TRPV5: variants seen among roughly 807,000 people sequenced by gnomAD.
The protein encoded by TRPV5 is calcium transport protein 2.
A neutral mutation model predicts 74.1 loss-of-function variants in TRPV5; 66 were observed. The ratio of observed to expected loss-of-function variants is 0.89; its 90% confidence interval spans 0.73 to 1.09. The LOEUF is 1.09. Among genes scored for constraint, TRPV5 ranks in the 50% least tolerant of loss-of-function variants. TRPV5 has a pLI of 0.00. For synonymous variants in TRPV5, 399 were observed against 360.7 expected (o/e 1.11, Z -1.20); for missense variants, 936 against 930.4 (o/e 1.01, Z -0.08).
chr7:142,910,063 A>C (rs1026667931), intron 13 of TRPV5, among the ~76,000 whole-genome samples: 6 of 152,192 alleles, frequency 3.9e-5, no homozygotes, highest in Non-Finnish European at 8.8e-5. Context: ...TGGCAGGGAA[A>C]TTTCTGGTAG....
intron 8 of TRPV5, 73 bp from the exon 9 acceptor site, chr7:142,915,641 C>G: frequency 6.9e-7 from 1 of 1,452,908 alleles, no homozygotes; most frequent in South Asian, 1.2e-5. Context: ...TGATCGAAAG[C>G]TGCTAAAGCC....
chr7:142,909,450 A>C (rs1055960856), intron 14 of TRPV5, 40 bp downstream of exon 14: 1 of 1,607,332 alleles, frequency 6.2e-7, no homozygotes, highest in Non-Finnish European at 8.5e-7. Context: ...CCGTGGCCTT[A>C]TACACATCTG....
At chr7:142,929,763 T>C (rs769028147) in intron 3 of TRPV5, among the ~76,000 whole-genome samples, 198 bp from the exon 4 acceptor site, 1 of 152,158 alleles carries the variant, frequency 6.6e-6, no homozygotes, top group African/African-American at 2.4e-5. Context: ...CTTCAGTTAT[T>C]GGGAGCCAGC....
chr7:142,929,208 T>G, intron 4 of TRPV5, 88 bp from the exon 5 acceptor site: 1 of 1,529,032 alleles, frequency 6.5e-7, no homozygotes, highest in Non-Finnish European at 8.9e-7. Flanking sequence ...CTCCTCCTCA[T>G]CCCCCATATC....
In TRPV5 at chr7:142,908,700, G is replaced by A. The variant is rs1237582238; in HGVS notation, c.2004C>T (p.Pro668=). 22 of 1,614,112 alleles carry A rather than the reference G, an allele frequency of 1.4e-5. No individual in the cohort carries two copies. Among genetic ancestry groups the A allele is most frequent in the Non-Finnish European group, 1.9e-5 (22 of 1,180,046 alleles). Residue 668 remains proline, a synonymous_variant, in exon 15 of 15, where the codon CCC becomes CCT. Transcript: ENST00000265310. ...DDQEHPSEKQ[P]SGAESGTLAR... ...CTAGAGTCCCACTCTCAGCCCCAGAGGGCTGTTTCTCAGATGGATGCTCCT... is the reference window on the plus strand; with the variant it reads ...CTAGAGTCCCACTCTCAGCCCCAGAAGGCTGTTTCTCAGATGGATGCTCCT...
chr7:142,918,576 T>C (rs1259273861), intron 8 of TRPV5, among the ~76,000 whole-genome samples: 3 of 152,344 alleles, frequency 2.0e-5, no homozygotes, highest in East Asian at 3.9e-4. Flanking sequence ...AGAATAGAAA[T>C]GCAGGAGAGG....
chr7:142,930,006 C>T (rs1796057672), intron 3 of TRPV5, 52 bp downstream of exon 3: 3 of 1,612,960 alleles, frequency 1.9e-6, no homozygotes, highest in African/African-American at 2.7e-5. Context: ...GAGACAACAG[C>T]ACACCCTCCA....
intron 12 of TRPV5, 87 bp from the exon 13 acceptor site, chr7:142,912,837 G>T (rs1460325138): frequency 8.2e-6 from 6 of 734,758 alleles, no homozygotes; most frequent in African/African-American, 1.8e-5. Flanking sequence ...TTCTATCTCT[G>T]ATCTATCTAT....
At chr7:142,931,469 T>C (rs1404795456) in intron 1 of TRPV5, among the ~76,000 whole-genome samples, 1 of 152,146 alleles carries the variant, frequency 6.6e-6, no homozygotes, top group Admixed American at 6.5e-5. Context: ...AGATACTCAT[T>C]CTACAGGACC....
At chr7:142,925,181 C>T (rs1054173351) in intron 8 of TRPV5, 1 of 488,726 alleles carries the variant, frequency 2.0e-6, no homozygotes, top group East Asian at 3.3e-5. Context: ...ACTTGGAGCA[C>T]AATTTTCCTC....
rs1449388145 is a variant in TRPV5 at position 142,925,668 on chromosome 7, T to C, written c.983A>G (p.Tyr328Cys). ...GTACAAGGCAGCCAGGATGCAGAAG[T>C]ACGGCCGGCCATACTTGTTCCACTT... is the stretch of plus-strand genomic sequence containing the variant. ...SFKWNKYGRP[Y>C]FCILAALYLL... Residue 328 changes from tyrosine to cysteine, a missense_variant, in exon 8 of 15, where the codon TAC (tyrosine) becomes TGC (cysteine). Transcript: ENST00000265310. 1 of 1,614,042 alleles carries C rather than the reference T, an allele frequency of 6.2e-7. No individual in the cohort carries two copies. The highest frequency in any genetic ancestry group is 8.5e-7 in the Non-Finnish European group (1 of 1,180,044).
intron 12 of TRPV5, among the ~76,000 whole-genome samples, chr7:142,913,808 A>G (rs1378325241): frequency 1.3e-5 from 2 of 152,190 alleles, no homozygotes; most frequent in Non-Finnish European, 2.9e-5. Context: ...GGATCCTTCT[A>G]GTGCCTCTTC....
chr7:142,913,442 G>T lies in TRPV5; in HGVS notation c.1520-692C>A, dbSNP rs1279702681. On this transcript the variant is annotated intron_variant, in intron 12 of 14. Coordinates refer to ENST00000265310, the MANE Select transcript of TRPV5 (RefSeq NM_019841.7). ...GCCTCCTTATTTATTTAAGAGAAAA[G>T]CAAGTGCAATGGCCAAGAAGTGAAC... 2.0e-5 allele frequency among the ~76,000 whole-genome samples: 3 copies of T among 152,214 alleles called. 1 individual carries two copies. In the Middle Eastern group the frequency reaches 9.5e-3, roughly 482 times the overall value.
At position 142,915,300 on chromosome 7, in the gene TRPV5, T is replaced by A. The variant is rs749102276; in HGVS notation, c.1286+7A>T. On this transcript the variant is annotated splice_region_variant and intron_variant, in intron 10 of 14. Transcript: ENST00000265310. ...AAGGCAGGGGGCTGGAATGAGGGGA[T>A]ACTCACATGATGACATGGAATGGCC... is the stretch of plus-strand genomic sequence containing the variant. 1.9e-6 allele frequency: 3 copies of A among 1,610,048 alleles called. No individual in the cohort carries two copies. In the South Asian group the frequency reaches 3.3e-5, roughly 18 times the overall value.
rs1026090530 is a variant in TRPV5 at position 142,908,695 on chromosome 7, C to A, written c.2009G>T (p.Gly670Val). 1 of 1,614,064 alleles carries A rather than the reference C, an allele frequency of 6.2e-7. No homozygotes were observed. The highest frequency in any genetic ancestry group is 8.5e-7 in the Non-Finnish European group (1 of 1,180,044). Residue 670 changes from glycine to valine, a missense_variant, in exon 15 of 15, where the codon GGG (glycine) becomes GTG (valine). Gly to Val is a moderately radical substitution (Grantham distance 109). Coordinates refer to ENST00000265310, the MANE Select transcript of TRPV5 (RefSeq NM_019841.7). ...TCTGGCTAGAGTCCCACTCTCAGCC[C>A]CAGAGGGCTGTTTCTCAGATGGATG... Reference protein sequence around the residue: ...QEHPSEKQPSGAESGTLARAS... With the variant: ...QEHPSEKQPSVAESGTLARAS...
chr7:142,932,318 C>T (rs970442578), intron 1 of TRPV5, among the ~76,000 whole-genome samples: 1 of 152,168 alleles, frequency 6.6e-6, no homozygotes, highest in Non-Finnish European at 1.5e-5. Flanking sequence ...AGGGGTCCCA[C>T]TCTAAAGCAG....
chr7:142,909,741 C>T, intron 13 of TRPV5, 145 bp from the exon 14 acceptor site: 1 of 788,116 alleles, frequency 1.3e-6, no homozygotes, highest in Non-Finnish European at 2.0e-6. Context: ...CCTATTCACC[C>T]CACAGCCTGT....
Position 142,933,660 on chromosome 7 carries a change from G to C in TRPV5, c.-201C>G, listed in dbSNP as rs1418958783. ...TGTGGGTTGTGGGGTGTGCGTGTAT[G>C]CACAGTGTGTGGCTGTGGTGTATGT... On this transcript the variant is annotated 5_prime_UTR_variant, in exon 1 of 15. Coordinates refer to ENST00000265310, the MANE Select transcript of TRPV5 (RefSeq NM_019841.7). The C allele has an allele frequency of 1.5e-6, 1 of 655,434 alleles. No homozygotes were observed. The highest frequency in any genetic ancestry group is 2.6e-6 in the Non-Finnish European group (1 of 387,094). The allele number at this position is 655,434 out of a possible 1,614,324, so 40.6% of individuals were successfully genotyped here.
chr7:142,915,577 G>A lies in TRPV5; in HGVS notation c.1123-9C>T. The A allele has an allele frequency of 6.2e-7, 1 of 1,613,704 alleles. No individual in the cohort carries two copies. Among genetic ancestry groups the A allele is most frequent in the Non-Finnish European group, 8.5e-7 (1 of 1,179,736 alleles). ...CGTGTCTCATAGGCCTCCTATGTGG[G>A]GAAATTCAGAAGAAGTGCTTTCTGA... On this transcript the variant is annotated splice_polypyrimidine_tract_variant and intron_variant, in intron 8 of 14. Coordinates refer to ENST00000265310, the MANE Select transcript of TRPV5 (RefSeq NM_019841.7).
Sources: gnomAD v4.1 joint callset for allele counts (sites outside exome capture counted in the v4.1 genomes callset) on GRCh38, gnomAD v4.1.1 for gene constraint, MANE v1.5 for transcripts, NCBI Gene and HGNC (gene_info 2026-07-23, HGNC 2026-07-21) for gene names.